Variants in HEATR5A observed in about 807,000 individuals in gnomAD.
The protein encoded by HEATR5A is HEAT repeat containing 5A, also known as HEAT repeat-containing protein 5A.
HEATR5A carries 178 observed loss-of-function variants against 218.8 expected under a neutral mutation model. That is an observed-to-expected ratio of 0.81 (90% confidence interval 0.72 to 0.92). The LOEUF is 0.92. Ranked by LOEUF, HEATR5A falls within the 40% of genes least tolerant of loss-of-function variation. The pLI, the probability that HEATR5A is intolerant of heterozygous loss-of-function variation, is 0.00. For missense variants in HEATR5A, 2,420 were observed against 2,418.9 expected, an observed-to-expected ratio of 1.00 and a Z score of -0.01; for synonymous variants, 864 against 871.6, an observed-to-expected ratio of 0.99 and a Z score of 0.15.
chr14:31,308,450 T>C (rs1362100830), intron 29 of HEATR5A, among the ~76,000 whole-genome samples: 1 of 146,694 alleles, frequency 6.8e-6, no homozygotes, highest in Non-Finnish European at 1.5e-5. Context: ...GAGGTTGCGG[T>C]GAGCCGAGAT....
intron 22 of HEATR5A, among the ~76,000 whole-genome samples, chr14:31,336,200 TTATA>T (rs1566758985): frequency 1.2e-4 from 13 of 112,254 alleles, no homozygotes; most frequent in African/African-American, 2.9e-4. Context: ...GGGGTTATTT[TTATA>T]TATACATACA....
intron 1 of HEATR5A, among the ~76,000 whole-genome samples, chr14:31,410,981 G>T (rs1209054955): frequency 1.3e-5 from 2 of 152,084 alleles, no homozygotes; most frequent in African/African-American, 4.8e-5. Flanking sequence ...ATATAATAAT[G>T]ATTTAAGCTC....
intron 33 of HEATR5A, among the ~76,000 whole-genome samples, chr14:31,299,029 A>T (rs1479237615): frequency 6.6e-6 from 1 of 152,084 alleles, no homozygotes; most frequent in East Asian, 1.9e-4. Context: ...TAATTACGTT[A>T]TCTTCTGAAT....
chr14:31,320,304 C>T, intron 25 of HEATR5A: 1 of 737,908 alleles, frequency 1.4e-6, no homozygotes. Context: ...CCCAGAATGG[C>T]ATAGAAGAGG....
intron 32 of HEATR5A, 21 bp downstream of exon 32, chr14:31,304,884 C>G: frequency 6.2e-7 from 1 of 1,605,798 alleles, no homozygotes; most frequent in Non-Finnish European, 8.5e-7. Context: ...TCAAGTCAAG[C>G]AATCACATAC....
intron 14 of HEATR5A, among the ~76,000 whole-genome samples, chr14:31,362,606 C>CAAAAAAAAAAAAAAA (rs71115003): frequency 2.2e-5 from 1 of 44,748 alleles, no homozygotes; most frequent in Non-Finnish European, 3.6e-5. Context: ...CTACAAATGA[C>CAAAAAAAAAAAAAAA]AAAAAAAAAA....
At chr14:31,391,732 T>C (rs1292608011) in intron 6 of HEATR5A, among the ~76,000 whole-genome samples, 1 of 152,202 alleles carries the variant, frequency 6.6e-6, no homozygotes, top group African/African-American at 2.4e-5. Context: ...TTCTTATCTT[T>C]TATATCATAT....
Position 31,307,930 on chromosome 14 carries a change from T to C in HEATR5A, c.4781A>G (p.Asp1594Gly). 6.2e-7 allele frequency: 1 copy of C among 1,613,848 alleles called. No individual in the cohort carries two copies. Among genetic ancestry groups the C allele is most frequent in the Non-Finnish European group, 8.5e-7 (1 of 1,179,856 alleles). The change falls in exon 30 of 36, where the codon GAT becomes GGT. Residue 1594 changes from aspartate (D) to glycine (G), a missense_variant. By Grantham distance (94) the Asp-to-Gly change is moderately conservative. Coordinates refer to ENST00000543095, the MANE Select transcript of HEATR5A (RefSeq NM_015473.4). ...AATTTTTGATCTGGGCCAAGGTACA[T>C]CTAGAAGTGCTTGCAATGCATGTAA... is the stretch of plus-strand genomic sequence containing the variant. ...ACLHALQALL[D>G]VPWPRSKIGS...
chr14:31,333,314 T>A (rs1566757984), intron 22 of HEATR5A, among the ~76,000 whole-genome samples: 1 of 152,084 alleles, frequency 6.6e-6, no homozygotes, highest in Admixed American at 6.6e-5. Flanking sequence ...AGTGGCGTGA[T>A]CTTGGCTCAC....
chr14:31,371,248 C>T (rs1902027159), intron 13 of HEATR5A, among the ~76,000 whole-genome samples: 1 of 152,176 alleles, frequency 6.6e-6, no homozygotes, highest in Admixed American at 6.5e-5. Flanking sequence ...AACCTTTGCT[C>T]AGGCTGTGTT....
At chr14:31,390,032 G>A (rs1456443414) in intron 6 of HEATR5A, among the ~76,000 whole-genome samples, 2 of 152,108 alleles carry the variant, frequency 1.3e-5, no homozygotes, top group African/African-American at 4.8e-5. Context: ...GCATTGAAAT[G>A]GTGACATTTT....
rs147517636 is a variant in HEATR5A at position 31,372,017 on chromosome 14, G to A, written c.1862-108C>T. 789 of 519,174 alleles carry A rather than the reference G, an allele frequency of 1.5e-3. 5 individuals carry two copies. Among genetic ancestry groups the A allele is most frequent in the Admixed American group, 1.1e-3 (29 of 25,414 alleles). 32.2% of individuals were successfully genotyped at this position (519,174 alleles called of 1,614,324 possible). The stretch of plus-strand genomic sequence containing the variant: ...TGTTATTAGAGTAATAAAGCAATTT[G>A]CTAAAATAAAAAAATTCTTGAAACT... On this transcript the variant is annotated intron_variant, in intron 12 of 35. Coordinates refer to ENST00000543095, the MANE Select transcript of HEATR5A (RefSeq NM_015473.4).
At chr14:31,367,569 ATTTTTTTTTTTTTTT>A (rs567217496) in intron 13 of HEATR5A, among the ~76,000 whole-genome samples, 6 of 60,296 alleles carry the variant, frequency 1.0e-4, no homozygotes, top group Admixed American at 3.2e-4. Flanking sequence ...TGCCCAGCTA[ATTTTTTTTTTTTTTT>A]TTTTTTTTTT....
At chr14:31,393,455 G>T (rs892219291) in intron 6 of HEATR5A, among the ~76,000 whole-genome samples, 1 of 152,180 alleles carries the variant, frequency 6.6e-6, no homozygotes. Context: ...AGGTTTCAGT[G>T]AGCTGAGATG....
chr14:31,379,407 T>C (rs566884059), intron 11 of HEATR5A, among the ~76,000 whole-genome samples: 242 of 151,816 alleles, frequency 1.6e-3, no homozygotes, highest in Admixed American at 1.8e-3. Context: ...TGCACCACCA[T>C]GCCCGGCTAA....
In HEATR5A at chr14:31,341,306, T is replaced by A. The variant is rs552602316; in HGVS notation, c.3228+2590A>T. ...TCTATTCTTTTTCATATGTAACTTT[T>A]TTTTTGATGCCTATTTTTTTTTCCT... On this transcript the variant is annotated intron_variant, in intron 21 of 35. Coordinates refer to ENST00000543095, the MANE Select transcript of HEATR5A (RefSeq NM_015473.4). 2.0e-3 allele frequency among the ~76,000 whole-genome samples: 312 copies of A among 152,288 alleles called. 2 individuals carry two copies. Among genetic ancestry groups the A allele is most frequent in the Non-Finnish European group, 3.7e-3 (253 of 68,010 alleles).
Position 31,323,812 on chromosome 14 carries a change from T to C in HEATR5A, c.3548-8A>G, listed in dbSNP as rs1900180279. The C allele has an allele frequency of 1.9e-6, 3 of 1,548,552 alleles. No homozygotes were observed. The highest frequency in any genetic ancestry group is 2.7e-6 in the Non-Finnish European group (3 of 1,124,652). ...AAGTTACAGCTGTAAAATCTTTTATTAAAGGAGAACATATGTAATTATAAT... is the reference window on the plus strand; with the variant it reads ...AAGTTACAGCTGTAAAATCTTTTATCAAAGGAGAACATATGTAATTATAAT... On this transcript the variant is annotated splice_polypyrimidine_tract_variant and splice_region_variant and intron_variant, in intron 23 of 35. Transcript: ENST00000543095.
At chr14:31,408,695 G>A (rs11845149) in intron 1 of HEATR5A, among the ~76,000 whole-genome samples, 3,439 of 151,542 alleles carry the variant, frequency 0.023, 122 homozygotes, top group African/African-American at 0.079. Flanking sequence ...CTTTCCTTTC[G>A]ATTGGCTCTG....
In HEATR5A at chr14:31,383,691, T is replaced by C. The variant is rs770610596; in HGVS notation, c.1426A>G (p.Ile476Val). The change falls in exon 10 of 36, where the codon ATT (isoleucine) becomes GTT (valine). Residue 476 changes from isoleucine (I) to valine (V), a missense_variant. Physicochemically the swap from Ile to Val is conservative, Grantham distance 29 (BLOSUM62 3). Coordinates refer to ENST00000543095, the MANE Select transcript of HEATR5A (RefSeq NM_015473.4). ...AGGTAGGAGGGTAATGCCACGGCAA[T>C]GCAGTGTAAACACCAAGCTGCTGCT... Reference protein sequence around the residue: ...RLAAAWCLHCIAVALPSYLTP... With the variant: ...RLAAAWCLHCVAVALPSYLTP... 3.1e-6 allele frequency: 5 copies of C among 1,613,900 alleles called. No homozygotes were observed. The South Asian group carries it at 4.4e-5, about 14-fold the overall frequency.
Sources: gnomAD v4.1 joint callset for allele counts (sites outside exome capture counted in the v4.1 genomes callset) on GRCh38, gnomAD v4.1.1 for gene constraint, MANE v1.5 for transcripts, NCBI Gene and HGNC (gene_info 2026-07-23, HGNC 2026-07-21) for gene names.